Variants in KCNK13 observed in about 807,000 individuals in gnomAD.
KCNK13 encodes the protein potassium two pore domain channel subfamily K member 13, also known as potassium channel subfamily K member 13.
A neutral mutation model predicts 23.4 loss-of-function variants in KCNK13; 12 were observed. That is an observed-to-expected ratio of 0.51 (90% CI 0.33 to 0.83). KCNK13 has a LOEUF of 0.83. KCNK13 is among the 40% of genes least tolerant of loss of function. The probability of loss-of-function intolerance (pLI) is 0.02; values close to 1 mark genes in which losing one functional copy is unlikely to be tolerated. For missense variants in KCNK13, 463 were observed against 556.3 expected, an observed-to-expected ratio of 0.83 and a Z score of 1.69; for synonymous variants, 231 against 229.5, an observed-to-expected ratio of 1.01 and a Z score of -0.06.
rs576302934 is a variant in KCNK13 at position 90,134,572 on chromosome 14, G to A, written c.335-49539G>A. Among the ~76,000 whole-genome samples the A allele has an allele frequency of 1.1e-4, 16 of 152,270 alleles. No individual in the cohort carries two copies. The South Asian group carries it at 1.9e-3, about 18-fold the overall frequency. ...ACACACAAAGACTGAATGGAAACAC[G>A]TCAAGGTGTTCACAATAATAGCAGC... On this transcript the variant is annotated intron_variant, in intron 1 of 1. Transcript: ENST00000282146.
intron 1 of KCNK13, among the ~76,000 whole-genome samples, chr14:90,066,509 C>T (rs944307580): frequency 4.6e-5 from 7 of 152,060 alleles, no homozygotes; most frequent in African/African-American, 1.4e-4. Flanking sequence ...TCAAGTGATC[C>T]GCCCACCTCA....
intron 1 of KCNK13, among the ~76,000 whole-genome samples, chr14:90,087,144 ATATATATATATT>A (rs1889288444): frequency 8.3e-4 from 95 of 114,230 alleles, no homozygotes; most frequent in African/African-American, 3.4e-3. Flanking sequence ...ATATATATAT[ATATATATATATT>A]TTTTTTTTTT....
rs1889464961 is a variant in KCNK13, at chr14:90,100,724, C to T, written c.334+38185C>T. On this transcript the variant is annotated intron_variant, in intron 1 of 1. Coordinates refer to ENST00000282146, the MANE Select transcript of KCNK13 (RefSeq NM_022054.4). ...TGGTTTTTCTTGGGACGGGGCCTTG[C>T]TTTGTCGCGCAGGCTGGAGTGCAGC... Among the ~76,000 whole-genome samples, 7 of 152,144 alleles carry T rather than the reference C, an allele frequency of 4.6e-5. No homozygotes were observed. In the South Asian group the frequency reaches 1.4e-3, roughly 31 times the overall value.
intron 1 of KCNK13, among the ~76,000 whole-genome samples, chr14:90,088,091 C>T (rs1020357042): frequency 1.1e-4 from 16 of 152,148 alleles, no homozygotes; most frequent in Admixed American, 9.2e-4. Flanking sequence ...CAACCTCCAC[C>T]TCCTGGGTTT....
intron 1 of KCNK13, among the ~76,000 whole-genome samples, chr14:90,106,001 G>A (rs1487186726): frequency 1.3e-5 from 2 of 152,188 alleles, no homozygotes; most frequent in East Asian, 3.9e-4. Flanking sequence ...AGTCCTGGTT[G>A]GGTCTGAATT....
At chr14:90,152,898 CT>C (rs942561117) in intron 1 of KCNK13, among the ~76,000 whole-genome samples, 24 of 152,190 alleles carry the variant, frequency 1.6e-4, no homozygotes, top group African/African-American at 5.8e-4. Context: ...CCTAGGAGAT[CT>C]GTAGCACAGG....
chr14:90,185,703 GACTC>G lies in KCNK13; in HGVS notation c.*704_*707del, dbSNP rs1333262951. On this transcript the variant is annotated 3_prime_UTR_variant, in exon 2 of 2. Transcript: ENST00000282146. ...GGTGTAGGGGTGTGGGACGGGGAGA[GACTC>G]ACTTTTGTAACTAAAGAACATAGCT... 6.6e-6 allele frequency: 1 copy of G among 152,090 alleles called. No homozygotes were observed. Among genetic ancestry groups the G allele is most frequent in the African/African-American group, 2.4e-5 (1 of 41,402 alleles). 9.4% of individuals were successfully genotyped at this position (152,090 alleles called of 1,614,324 possible).
chr14:90,092,207 C>A (rs187217765), intron 1 of KCNK13, among the ~76,000 whole-genome samples: 16 of 152,168 alleles, frequency 1.1e-4, no homozygotes, highest in East Asian at 1.9e-4. Context: ...TAGGCGTGAG[C>A]CACCGCACCC....
intron 1 of KCNK13, among the ~76,000 whole-genome samples, chr14:90,141,151 G>A (rs964232156): frequency 6.6e-6 from 1 of 152,186 alleles, no homozygotes. Flanking sequence ...TGTCCCTCAG[G>A]AAGTGACTCA....
chr14:90,104,791 C>CTTTTT (rs66511223), intron 1 of KCNK13, among the ~76,000 whole-genome samples: 35 of 113,490 alleles, frequency 3.1e-4, no homozygotes, highest in East Asian at 7.7e-4. Flanking sequence ...CTTTTCTTTT[C>CTTTTT]TTTTTTTTTT....
intron 1 of KCNK13, among the ~76,000 whole-genome samples, chr14:90,095,015 T>G (rs1889395188): frequency 6.6e-6 from 1 of 152,256 alleles, no homozygotes; most frequent in African/African-American, 2.4e-5. Context: ...TGTTTTTATC[T>G]TAACCATTTT....
intron 1 of KCNK13, among the ~76,000 whole-genome samples, chr14:90,064,752 A>G (rs1206626390): frequency 2.0e-5 from 3 of 152,228 alleles, no homozygotes; most frequent in African/African-American, 7.2e-5. Flanking sequence ...GGTAAAAAAC[A>G]TGATGTCAGT....
At chr14:90,136,823 C>T (rs546403408) in intron 1 of KCNK13, among the ~76,000 whole-genome samples, 2 of 152,114 alleles carry the variant, frequency 1.3e-5, no homozygotes, top group South Asian at 4.1e-4. Flanking sequence ...CCGAGAGGGT[C>T]AAATACAGAC....
rs1015157730 is a variant in KCNK13, at chr14:90,062,102, C to G, written c.-104C>G. Reference sequence around the variant, plus strand: ...ATGGGCGAGCCGGCGGTGGGGCGCCCGGGAGCTGGCTGAGCGCCGGGGCCC... The same window carrying G: ...ATGGGCGAGCCGGCGGTGGGGCGCCGGGGAGCTGGCTGAGCGCCGGGGCCC... On this transcript the variant is annotated 5_prime_UTR_variant, in exon 1 of 2. Transcript: ENST00000282146. This position sits in a 1 kb window ranked among gnomAD's most constrained non-coding sequence, Gnocchi z 4.5. 2 of 768,240 alleles carry G rather than the reference C, an allele frequency of 2.6e-6. No individual in the cohort carries two copies. The highest frequency in any genetic ancestry group is 4.0e-5 in the South Asian group (1 of 25,232). The allele number at this position is 768,240 out of a possible 1,614,324, so 47.6% of individuals were successfully genotyped here. A position where few individuals can be genotyped will look rare whatever the true frequency, so the allele number is the denominator to read the frequency against.
chr14:90,185,481 G>T lies in KCNK13; in HGVS notation c.*478G>T, dbSNP rs1188714351. ...TGTGTCTGGGCTTTCTTTTTGCCAG[G>T]CTTCCTTCAAAGCATACCTGCCAAT... On this transcript the variant is annotated 3_prime_UTR_variant, in exon 2 of 2. Coordinates refer to ENST00000282146, the MANE Select transcript of KCNK13 (RefSeq NM_022054.4). 1 of 154,286 alleles carries T rather than the reference G, an allele frequency of 6.5e-6. No homozygotes were observed. Among genetic ancestry groups the T allele is most frequent in the African/African-American group, 2.4e-5 (1 of 41,562 alleles). The allele number at this position is 154,286 out of a possible 1,614,324, so 9.6% of individuals were successfully genotyped here.
chr14:90,167,724 C>T (rs8020054), intron 1 of KCNK13, among the ~76,000 whole-genome samples: 9,183 of 152,176 alleles, frequency 0.06, 891 homozygotes, highest in African/African-American at 0.21. Flanking sequence ...AAGTGACTGC[C>T]TCAATCCTCT....
chr14:90,174,592 C>A (rs1953221), intron 1 of KCNK13, among the ~76,000 whole-genome samples: 35,382 of 152,094 alleles, frequency 0.23, 5,501 homozygotes, highest in African/African-American at 0.45. Context: ...TGGCTCACAC[C>A]TGTAATCCCA....
chr14:90,062,183 G>C lies in KCNK13; in HGVS notation c.-23G>C. 7.3e-7 allele frequency: 1 copy of C among 1,366,610 alleles called. No homozygotes were observed. The highest frequency in any genetic ancestry group is 9.4e-7 in the Non-Finnish European group (1 of 1,061,162). The allele number at this position is 1,366,610 out of a possible 1,614,324, so 84.7% of individuals were successfully genotyped here. A position where few individuals can be genotyped will look rare whatever the true frequency, so the allele number is the denominator to read the frequency against. On this transcript the variant is annotated 5_prime_UTR_variant, in exon 1 of 2. Coordinates refer to ENST00000282146, the MANE Select transcript of KCNK13 (RefSeq NM_022054.4). The surrounding 1 kb of genome is among the most constrained non-coding windows in gnomAD (Gnocchi z 4.5). Reference sequence around the variant, plus strand: ...CCGACGCCCGGTGCCGTGGGCCTGGGGGCTGCCCCCGGGGGCCCGGCCATG... The same window carrying C: ...CCGACGCCCGGTGCCGTGGGCCTGGCGGCTGCCCCCGGGGGCCCGGCCATG...
At chr14:90,128,329 A>G (rs1889827162) in intron 1 of KCNK13, among the ~76,000 whole-genome samples, 1 of 152,200 alleles carries the variant, frequency 6.6e-6, no homozygotes, top group Non-Finnish European at 1.5e-5. Flanking sequence ...ACAAACAAAC[A>G]AACAAAACAA....
Sources: allele counts gnomAD v4.1 joint callset (sites outside exome capture counted in the v4.1 genomes callset), GRCh38; gene constraint gnomAD v4.1.1; non-coding constraint Gnocchi (gnomAD v3.1); transcripts MANE v1.5; gene names NCBI Gene and HGNC (gene_info 2026-07-23, HGNC 2026-07-21).